The following ZFAND1 variants were observed in gnomAD, a reference collection of about 807,000 sequenced individuals.
ZFAND1 encodes the protein AN1-type zinc finger protein 1.
A neutral mutation model predicts 38.5 loss-of-function variants in ZFAND1; 40 were observed. The ratio of observed to expected loss-of-function variants is 1.04; its 90% confidence interval spans 0.81 to 1.35. The LOEUF is 1.35. Ranked by LOEUF, ZFAND1 falls within the 40% of genes most tolerant of loss-of-function variation. The pLI is 0.00. For synonymous variants in ZFAND1, 117 were observed against 103.6 expected (o/e 1.13, Z -0.78); for missense variants, 346 against 316.3 (o/e 1.09, Z -0.71).
chr8:81,712,810 T>A (rs767623615), intron 6 of ZFAND1, among the ~76,000 whole-genome samples: 3 of 152,182 alleles, frequency 2.0e-5, no homozygotes, highest in Non-Finnish European at 2.9e-5. Context: ...AAATTCAGCA[T>A]AATTCCTACC....
chr8:81,708,046 C>T (rs536457487), intron 6 of ZFAND1, among the ~76,000 whole-genome samples: 4 of 152,058 alleles, frequency 2.6e-5, no homozygotes, highest in East Asian at 3.9e-4. Flanking sequence ...GTCAGGAGTT[C>T]GAGACCAGCC....
intron 6 of ZFAND1, 91 bp from the exon 7 acceptor site, chr8:81,703,215 A>G (rs1807866615): frequency 1.1e-6 from 1 of 898,440 alleles, no homozygotes. Context: ...TTCTGGTCAG[A>G]GCAGAATTAC....
intron 6 of ZFAND1, among the ~76,000 whole-genome samples, chr8:81,711,142 G>A (rs1585924547): frequency 6.6e-6 from 1 of 152,282 alleles, no homozygotes; most frequent in East Asian, 1.9e-4. Context: ...TGCCGGGCAT[G>A]GTGGCTCACG....
At position 81,702,628 on chromosome 8, in the gene ZFAND1, T is replaced by C; in HGVS notation, c.*67A>G. Reference sequence around the variant, plus strand: ...AAAATTACAAAAATAGTATTTGTAGTAAAATAAATGGACTTAAACATGTAA... The same window carrying C: ...AAAATTACAAAAATAGTATTTGTAGCAAAATAAATGGACTTAAACATGTAA... On this transcript the variant is annotated 3_prime_UTR_variant, in exon 8 of 8. Coordinates refer to ENST00000220669, the MANE Select transcript of ZFAND1 (RefSeq NM_024699.3). 1.6e-6 allele frequency: 2 copies of C among 1,253,556 alleles called. No individual in the cohort carries two copies. Among genetic ancestry groups the C allele is most frequent in the Non-Finnish European group, 2.1e-6 (2 of 954,056 alleles). The allele number at this position is 1,253,556 out of a possible 1,614,324, so 77.7% of individuals were successfully genotyped here.
intron 6 of ZFAND1, among the ~76,000 whole-genome samples, chr8:81,707,532 A>G (rs1281514626): frequency 6.6e-6 from 1 of 152,206 alleles, no homozygotes; most frequent in Non-Finnish European, 1.5e-5. Context: ...TTGCCCCATT[A>G]TGATAACCTA....
At chr8:81,718,330 T>G (rs894043443) in intron 1 of ZFAND1, 106 bp from the exon 2 acceptor site, 2 of 820,186 alleles carry the variant, frequency 2.4e-6, no homozygotes, top group Non-Finnish European at 3.7e-6. Flanking sequence ...TTGACTAATA[T>G]CCTAGTGTAG....
At chr8:81,714,544 G>A (rs1275919805) in intron 5 of ZFAND1, 1 of 407,368 alleles carries the variant, frequency 2.5e-6, no homozygotes, top group Non-Finnish European at 4.5e-6. Flanking sequence ...ACCATTTCTA[G>A]CCCAATGGTT....
intron 6 of ZFAND1, among the ~76,000 whole-genome samples, chr8:81,705,840 C>T (rs1227814349): frequency 1.3e-5 from 2 of 152,192 alleles, no homozygotes; most frequent in African/African-American, 2.4e-5. Context: ...ATTGTTTGAA[C>T]CGGGGAAGTA....
chr8:81,715,302 T>C (rs1269902194), intron 3 of ZFAND1, among the ~76,000 whole-genome samples, 188 bp from the exon 4 acceptor site: 2 of 152,216 alleles, frequency 1.3e-5, no homozygotes, highest in Non-Finnish European at 2.9e-5. Context: ...CACACTTTCA[T>C]AATTTTCCTA....
At chr8:81,703,466 A>G (rs953038891) in intron 6 of ZFAND1, among the ~76,000 whole-genome samples, 4 of 152,186 alleles carry the variant, frequency 2.6e-5, no homozygotes, top group Admixed American at 1.3e-4. Context: ...TCTTGTTGCC[A>G]ACGCTAGAGT....
At chr8:81,705,244 G>A (rs1185584267) in intron 6 of ZFAND1, among the ~76,000 whole-genome samples, 1 of 152,080 alleles carries the variant, frequency 6.6e-6, no homozygotes, top group Non-Finnish European at 1.5e-5. Flanking sequence ...GTGAGTGAGA[G>A]GAAGGAGAAA....
intron 3 of ZFAND1, among the ~76,000 whole-genome samples, chr8:81,715,412 A>G (rs1471608083): frequency 2.0e-5 from 3 of 152,214 alleles, no homozygotes; most frequent in East Asian, 1.9e-4. Context: ...AGGTGCCCCT[A>G]TGATATGCTC....
chr8:81,711,962 T>C (rs779904740), intron 6 of ZFAND1, among the ~76,000 whole-genome samples: 117 of 152,292 alleles, frequency 7.7e-4, no homozygotes, highest in Non-Finnish European at 1.3e-3. Flanking sequence ...ACTCAACTAA[T>C]TTTTAAGCAT....
chr8:81,712,505 T>C (rs776951217), intron 6 of ZFAND1, among the ~76,000 whole-genome samples: 9 of 152,132 alleles, frequency 5.9e-5, no homozygotes, highest in Non-Finnish European at 1.2e-4. Flanking sequence ...CTACAAAATA[T>C]GGGAACTATT....
intron 6 of ZFAND1, among the ~76,000 whole-genome samples, chr8:81,705,217 T>C (rs1807940783): frequency 6.6e-6 from 1 of 152,022 alleles, no homozygotes; most frequent in African/African-American, 2.4e-5. Flanking sequence ...AAGTATAAAA[T>C]TGCCAGACAG....
At chr8:81,705,841 C>T (rs7813813) in intron 6 of ZFAND1, among the ~76,000 whole-genome samples, 4 of 152,270 alleles carry the variant, frequency 2.6e-5, no homozygotes, top group South Asian at 2.1e-4. Flanking sequence ...TTGTTTGAAC[C>T]GGGGAAGTAG....
In ZFAND1 at chr8:81,702,766, C is replaced by T; in HGVS notation, c.736G>A (p.Gly246Arg). ...AKEDCPLYNG[G>R]NIILEYLNDE... ...TTAAGATATTCCAAGATTATATTTC[C>T]ACCATTATATAAAGGACAATCCTCC... Residue 246 changes from glycine (G) to arginine (R), a missense_variant, in exon 8 of 8, where the codon GGA becomes AGA. Coordinates refer to ENST00000220669, the MANE Select transcript of ZFAND1 (RefSeq NM_024699.3). 1.9e-6 allele frequency: 3 copies of T among 1,602,078 alleles called. No homozygotes were observed.
At chr8:81,710,908 A>G (rs1808122358) in intron 6 of ZFAND1, among the ~76,000 whole-genome samples, 1 of 152,208 alleles carries the variant, frequency 6.6e-6, no homozygotes, top group Non-Finnish European at 1.5e-5. Context: ...AGTGGACAAA[A>G]AATTAAGTAC....
At chr8:81,705,886 C>A (rs766993435) in intron 6 of ZFAND1, among the ~76,000 whole-genome samples, 5 of 152,100 alleles carry the variant, frequency 3.3e-5, no homozygotes, top group African/African-American at 7.2e-5. Context: ...CCACTGCACT[C>A]CAGCCTGGGT....
Sources: gnomAD v4.1 joint callset for allele counts (sites outside exome capture counted in the v4.1 genomes callset) on GRCh38, gnomAD v4.1.1 for gene constraint, MANE v1.5 for transcripts, NCBI Gene and HGNC (gene_info 2026-07-23, HGNC 2026-07-21) for gene names.